VWF: variants seen among roughly 807,000 people sequenced by gnomAD.
VWF encodes von Willebrand factor.
A neutral mutation model predicts 308.6 loss-of-function variants in VWF; 176 were observed. That is an observed-to-expected ratio of 0.57 (90% CI 0.50 to 0.65). VWF has a LOEUF of 0.65. Among genes scored for constraint, VWF ranks in the 30% least tolerant of loss-of-function variants. The probability of loss-of-function intolerance (pLI) is 0.00; values close to 1 mark genes in which losing one functional copy is unlikely to be tolerated. For synonymous variants in VWF, 1,385 were observed against 1,443.4 expected (o/e 0.96, Z 0.92); for missense variants, 3,146 against 3,648.2 (o/e 0.86, Z 3.55).
At chr12:6,015,604 G>A (rs556659814) in intron 31 of VWF, among the ~76,000 whole-genome samples, 6 of 151,892 alleles carry the variant, frequency 4.0e-5, no homozygotes, top group Non-Finnish European at 2.9e-5. Flanking sequence ...CACAAGGCTG[G>A]ACATCTGGAT....
intron 13 of VWF, among the ~76,000 whole-genome samples, chr12:6,059,538 G>A (rs551938331): frequency 6.6e-6 from 1 of 152,340 alleles, no homozygotes; most frequent in African/African-American, 2.4e-5. Context: ...GAAGGCATCA[G>A]CAGATTTGGT....
At chr12:6,010,553 G>A (rs183953393) in intron 34 of VWF, among the ~76,000 whole-genome samples, 14 of 152,258 alleles carry the variant, frequency 9.2e-5, no homozygotes, top group Admixed American at 2.6e-4. Flanking sequence ...AAATTCGTTC[G>A]TATGTTCAGG....
chr12:5,976,155 C>T lies in VWF; in HGVS notation c.7393G>A (p.Val2465Met), dbSNP rs375655409. Residue 2465 changes from valine to methionine, a missense_variant, in exon 43 of 52, where the codon GTG becomes ATG. Physicochemically the swap from Val to Met is conservative, Grantham distance 21. Transcript: ENST00000261405. ...DMEDAVMGLR[V>M]AQCSQKPCED... ...CAGGGCTTCTGGGAGCACTGGGCCA[C>T]GCGGAGGCCCATCACGGCATCCTCC... 6.2e-5 allele frequency: 100 copies of T among 1,614,088 alleles called. No homozygotes were observed. Among genetic ancestry groups the T allele is most frequent in the Admixed American group, 1.8e-4 (11 of 60,032 alleles).
At chr12:6,066,277 G>A (rs1944713008) in intron 10 of VWF, among the ~76,000 whole-genome samples, 1 of 152,200 alleles carries the variant, frequency 6.6e-6, no homozygotes, top group South Asian at 2.1e-4. Context: ...CTGGCTTGAG[G>A]CAATCCCATC....
rs1943748692 is a variant in VWF, at chr12:5,991,893, CT to C, written c.6723del (p.Val2242SerfsTer68). 6.2e-7 allele frequency: 1 copy of C among 1,614,132 alleles called. No individual in the cohort carries two copies. Among genetic ancestry groups the C allele is most frequent in the African/African-American group, 1.3e-5 (1 of 74,946 alleles). On this transcript the variant is annotated frameshift_variant, in exon 38 of 52. Transcript: ENST00000261405. LOFTEE classifies it high-confidence loss of function. ...PSEGCFCPPD[K>X]VMLEGSCVPE... ...GGGACACAGCTGCCTTCCAACATGA[CT>C]TTATCTGGAGGGCAGAAACAGCCTT...
In VWF at chr12:5,953,600, T is replaced by A. The variant is rs752622826; in HGVS notation, c.7888-6A>T. ...TTATTTTCTTCCTTGTAACCCTGCA[T>A]CCAGAGGGGGAAAAAGCAGCCATAG... is the stretch of plus-strand genomic sequence containing the variant. On this transcript the variant is annotated splice_region_variant and splice_polypyrimidine_tract_variant and intron_variant, in intron 47 of 51. Coordinates refer to ENST00000261405, the MANE Select transcript of VWF (RefSeq NM_000552.5). 2 of 1,613,036 alleles carry A rather than the reference T, an allele frequency of 1.2e-6. No individual in the cohort carries two copies. Among genetic ancestry groups the A allele is most frequent in the Non-Finnish European group, 8.5e-7 (1 of 1,179,144 alleles).
intron 9 of VWF, 54 bp from the exon 10 acceptor site, chr12:6,071,397 GC>G: frequency 1.9e-6 from 3 of 1,600,070 alleles, no homozygotes; most frequent in Non-Finnish European, 2.6e-6. Context: ...ACAAGGGTAT[GC>G]AAATGGATTT....
intron 34 of VWF, among the ~76,000 whole-genome samples, chr12:6,004,585 C>A (rs1056462409): frequency 5.9e-5 from 9 of 151,890 alleles, no homozygotes; most frequent in Admixed American, 4.6e-4. Flanking sequence ...AAAAGAAAAA[C>A]AATTCTATTT....
intron 47 of VWF, among the ~76,000 whole-genome samples, chr12:5,961,131 G>T (rs969223435): frequency 1.3e-5 from 2 of 152,198 alleles, no homozygotes; most frequent in Non-Finnish European, 2.9e-5. Flanking sequence ...ATCGCCCCTA[G>T]ATGGGACTAT....
At chr12:6,044,512 A>G in intron 17 of VWF, 61 bp from the exon 18 acceptor site, 1 of 1,573,898 alleles carries the variant, frequency 6.4e-7, no homozygotes, top group Non-Finnish European at 8.6e-7. Context: ...TACCTTCCAC[A>G]CTGTCCTTTG....
At chr12:6,035,481 C>G (rs1944325688) in intron 19 of VWF, among the ~76,000 whole-genome samples, 2 of 152,214 alleles carry the variant, frequency 1.3e-5, no homozygotes, top group South Asian at 4.1e-4. Context: ...GCCCAAGAGA[C>G]AGCCCTCTCT....
intron 18 of VWF, among the ~76,000 whole-genome samples, chr12:6,040,294 T>C (rs1376444593): frequency 6.6e-6 from 1 of 152,186 alleles, no homozygotes; most frequent in African/African-American, 2.4e-5. Flanking sequence ...GAAAAATACC[T>C]GGGAGATCTT....
intron 18 of VWF, 87 bp from the exon 19 acceptor site, chr12:6,036,578 G>C (rs1944339689): frequency 7.8e-7 from 1 of 1,283,004 alleles, no homozygotes; most frequent in Middle Eastern, 1.8e-4. Context: ...TGTTGTCTGA[G>C]ACTTGAGCCT....
intron 47 of VWF, among the ~76,000 whole-genome samples, chr12:5,954,897 G>A (rs1031794420): frequency 6.6e-6 from 1 of 152,158 alleles, no homozygotes; most frequent in African/African-American, 2.4e-5. Context: ...AGTAAACACT[G>A]TGTCTCAGGA....
rs778129607 is a variant in VWF, at chr12:6,057,904, G to A, written c.1674C>T (p.Asp558=). The change falls in exon 14 of 52, where the codon GAC becomes GAT. Residue 558 remains aspartate (D), a synonymous_variant. Transcript: ENST00000261405. ...TGTGCTGCTTCTGCAGGTCCTGGCA[G>A]TCCCCGTGCAGCTTCCAGGCGTTCC... ...DFGNAWKLHG[D]CQDLQKQHSD... The A allele has an allele frequency of 6.2e-7, 1 of 1,613,058 alleles. No homozygotes were observed. The highest frequency in any genetic ancestry group is 8.5e-7 in the Non-Finnish European group (1 of 1,179,564).
intron 6 of VWF, among the ~76,000 whole-genome samples, chr12:6,079,041 A>T (rs1035783364): frequency 4.6e-5 from 7 of 152,182 alleles, no homozygotes; most frequent in African/African-American, 1.7e-4. Context: ...AAACTTCTGA[A>T]ATCTGCCTAG....
chr12:6,092,632 T>TGAGAGAGAGAGAGAGAGAGAGA (rs1430723950), intron 6 of VWF, among the ~76,000 whole-genome samples: 2 of 66,012 alleles, frequency 3.0e-5, no homozygotes, highest in African/African-American at 2.2e-4. Context: ...TGTGTGTGTG[T>TGAGAGAGAGAGAGAGAGAGAGA]GTGTGTGTGT....
At chr12:6,050,754 G>A (rs1944499766) in intron 16 of VWF, among the ~76,000 whole-genome samples, 1 of 152,200 alleles carries the variant, frequency 6.6e-6, no homozygotes, top group Admixed American at 6.5e-5. Context: ...GAGGTCAGGA[G>A]TTCGAGACCA....
At chr12:5,982,507 A>G (rs1943618014) in intron 41 of VWF, among the ~76,000 whole-genome samples, 1 of 152,124 alleles carries the variant, frequency 6.6e-6, no homozygotes, top group African/African-American at 2.4e-5. Context: ...TAAAAGACCA[A>G]ATCCTGTCCC....
Sources: gnomAD v4.1 joint callset for allele counts (sites outside exome capture counted in the v4.1 genomes callset) on GRCh38, gnomAD v4.1.1 for gene constraint, MANE v1.5 for transcripts, NCBI Gene and HGNC (gene_info 2026-07-23, HGNC 2026-07-21) for gene names.